TRIM44: variants seen among roughly 807,000 people sequenced by gnomAD.
The protein encoded by TRIM44 is tripartite motif containing 44.
In TRIM44, 13 loss-of-function variants were observed where a neutral mutation model predicts 37.4. The ratio of observed to expected loss-of-function variants is 0.35; its 90% CI spans 0.23 to 0.55. The LOEUF is 0.55. TRIM44 is among the 20% of genes least tolerant of loss of function. The pLI is 0.89. For missense variants in TRIM44, 426 were observed against 437.2 expected (o/e 0.97, Z 0.23); for synonymous variants, 175 against 157.2 (o/e 1.11, Z -0.85).
chr11:35,697,314 T>C (rs1314104861), intron 2 of TRIM44, among the ~76,000 whole-genome samples: 3 of 150,992 alleles, frequency 2.0e-5, no homozygotes, highest in Non-Finnish European at 4.4e-5. Flanking sequence ...ACATGCAGTG[T>C]TTGGTTTTCT....
intron 1 of TRIM44, among the ~76,000 whole-genome samples, chr11:35,680,540 G>A (rs1851510710): frequency 6.6e-6 from 1 of 151,860 alleles, no homozygotes; most frequent in Non-Finnish European, 1.5e-5. Context: ...ATTCCACAGT[G>A]TGTTAATTCC....
chr11:35,700,109 C>T (rs1187594485), intron 2 of TRIM44, among the ~76,000 whole-genome samples: 1 of 152,138 alleles, frequency 6.6e-6, no homozygotes, highest in Non-Finnish European at 1.5e-5. Flanking sequence ...CTTTAAAGTT[C>T]ATACGGAACC....
At chr11:35,697,680 A>C (rs528731637) in intron 2 of TRIM44, among the ~76,000 whole-genome samples, 1 of 150,746 alleles carries the variant, frequency 6.6e-6, no homozygotes, top group Non-Finnish European at 1.5e-5. Flanking sequence ...TTCAATTCCC[A>C]CCTATGAGTG....
At chr11:35,683,214 G>A (rs1387206447) in intron 1 of TRIM44, among the ~76,000 whole-genome samples, 4 of 152,130 alleles carry the variant, frequency 2.6e-5, no homozygotes, top group Non-Finnish European at 4.4e-5. Flanking sequence ...AGACCACAGA[G>A]ATTAAAGACT....
chr11:35,696,245 C>T (rs1404943467), intron 2 of TRIM44, among the ~76,000 whole-genome samples: 3 of 151,232 alleles, frequency 2.0e-5, no homozygotes, highest in Non-Finnish European at 4.4e-5. Context: ...GGGTTCATGC[C>T]ATTCTCCTGC....
chr11:35,750,738 T>C (rs948867424), intron 4 of TRIM44, among the ~76,000 whole-genome samples: 3 of 152,202 alleles, frequency 2.0e-5, no homozygotes, highest in Non-Finnish European at 4.4e-5. Context: ...AAAGAAAATG[T>C]AGAGTCATTA....
At chr11:35,734,208 C>T (rs1852301535) in intron 3 of TRIM44, among the ~76,000 whole-genome samples, 1 of 152,128 alleles carries the variant, frequency 6.6e-6, no homozygotes, top group Admixed American at 6.5e-5. Context: ...ATAGTAGCTT[C>T]TTAATGAATC....
At chr11:35,685,707 A>G (rs1206830265) in intron 2 of TRIM44, among the ~76,000 whole-genome samples, 1 of 151,920 alleles carries the variant, frequency 6.6e-6, no homozygotes, top group Non-Finnish European at 1.5e-5. Context: ...TCTGTTGCCC[A>G]GGCTGGAGTG....
chr11:35,699,301 C>A (rs185625732), intron 2 of TRIM44, among the ~76,000 whole-genome samples: 3 of 151,980 alleles, frequency 2.0e-5, no homozygotes, highest in Non-Finnish European at 4.4e-5. Flanking sequence ...GTTCAACATA[C>A]GCAAATCAAT....
At chr11:35,734,567 G>A (rs185738682) in intron 3 of TRIM44, among the ~76,000 whole-genome samples, 349 of 152,196 alleles carry the variant, frequency 2.3e-3, no homozygotes, top group Non-Finnish European at 3.7e-3. Flanking sequence ...ACCCTTCAAT[G>A]GCTAAAAAGA....
At chr11:35,705,534 T>G (rs568401252) in intron 2 of TRIM44, among the ~76,000 whole-genome samples, 2 of 152,182 alleles carry the variant, frequency 1.3e-5, no homozygotes, top group African/African-American at 4.8e-5. Context: ...TCAGCAAATG[T>G]AAAAGATCAG....
intron 4 of TRIM44, among the ~76,000 whole-genome samples, chr11:35,773,966 T>C (rs1490640518): frequency 2.6e-5 from 4 of 152,256 alleles, no homozygotes; most frequent in African/African-American, 9.6e-5. Flanking sequence ...GCATGATTTA[T>C]AATCCTTTGG....
At chr11:35,762,238 T>G (rs1426949026) in intron 4 of TRIM44, among the ~76,000 whole-genome samples, 1 of 152,236 alleles carries the variant, frequency 6.6e-6, no homozygotes, top group Non-Finnish European at 1.5e-5. Context: ...GAGGGCTATT[T>G]TCTCTTTCTT....
rs767959527 is a variant in TRIM44 at position 35,696,619 on chromosome 11, C to T, written c.747+11283C>T. Among the ~76,000 whole-genome samples the T allele has an allele frequency of 2.6e-3, 388 of 151,172 alleles. 1 individual carries two copies. The highest frequency in any genetic ancestry group is 3.8e-3 in the Non-Finnish European group (257 of 67,712). ...ATCCCAGCACTTTGGGAGGCCGAGG[C>T]GGGTGGATCACGAGGTCAAGAGATC... On this transcript the variant is annotated intron_variant, in intron 2 of 4. Transcript: ENST00000299413.
At chr11:35,775,802 A>G (rs971473294) in intron 4 of TRIM44, among the ~76,000 whole-genome samples, 6 of 152,138 alleles carry the variant, frequency 3.9e-5, no homozygotes, top group South Asian at 2.1e-4. Context: ...AACCAGCCTC[A>G]CATCCCAGGG....
intron 2 of TRIM44, among the ~76,000 whole-genome samples, chr11:35,701,273 C>T (rs75599931): frequency 0.014 from 2,114 of 152,062 alleles, 116 homozygotes; most frequent in East Asian, 0.14. Context: ...TTTTTCCCCC[C>T]GAAACGGGGT....
chr11:35,760,534 T>C (rs1852710853), intron 4 of TRIM44, among the ~76,000 whole-genome samples: 1 of 152,222 alleles, frequency 6.6e-6, no homozygotes, highest in African/African-American at 2.4e-5. Flanking sequence ...CCCAGTGAGA[T>C]GAACCCGGTA....
In TRIM44 at chr11:35,753,203, TG is replaced by T. The variant is rs571398411; in HGVS notation, c.1007+17766del. Among the ~76,000 whole-genome samples the T allele has an allele frequency of 1.9e-3, 282 of 151,838 alleles. 2 individuals carry two copies. The highest frequency in any genetic ancestry group is 6.5e-3 in the African/African-American group (270 of 41,394). ...AATGGGGATAATAAGGTGATACAAT[TG>T]GGGGGGGAGTTAAATGAGCAAATGT... is the stretch of plus-strand genomic sequence containing the variant. On this transcript the variant is annotated intron_variant, in intron 4 of 4. Transcript: ENST00000299413.
chr11:35,786,935 G>T (rs185876490), intron 4 of TRIM44, among the ~76,000 whole-genome samples: 1 of 152,238 alleles, frequency 6.6e-6, no homozygotes, highest in East Asian at 1.9e-4. Context: ...GAGGTGGGCT[G>T]ACGCTTTCCC....
Sources: allele counts gnomAD v4.1 joint callset (sites outside exome capture counted in the v4.1 genomes callset), GRCh38; gene constraint gnomAD v4.1.1; transcripts MANE v1.5; gene names NCBI Gene and HGNC (gene_info 2026-07-23, HGNC 2026-07-21).